The following CNTN6 variants were observed in gnomAD, a reference collection of about 807,000 sequenced individuals.
CNTN6 encodes the protein contactin 6, also known as contactin-6.
CNTN6 carries 137 observed loss-of-function variants against 122.8 expected under a neutral mutation model. The observed-to-expected ratio is 1.12, with a 90% CI of 0.97 to 1.29. CNTN6 has a LOEUF of 1.29. Ranked by LOEUF, CNTN6 falls within the 50% of genes most tolerant of loss-of-function variation. The probability of loss-of-function intolerance (pLI) is 0.00; values close to 1 mark genes in which losing one functional copy is unlikely to be tolerated. For synonymous variants in CNTN6, 570 were observed against 426.0 expected (o/e 1.34, Z -4.16); for missense variants, 1,634 against 1,223.4 (o/e 1.34, Z -5.01).
At chr3:1,246,536 G>C (rs917069185) in intron 4 of CNTN6, among the ~76,000 whole-genome samples, 18 of 152,008 alleles carry the variant, frequency 1.2e-4, no homozygotes, top group Non-Finnish European at 1.8e-4. Context: ...ATATTTCTCT[G>C]TTGTATATAC....
intron 2 of CNTN6, among the ~76,000 whole-genome samples, chr3:1,212,737 A>G (rs2094064027): frequency 6.6e-6 from 1 of 152,080 alleles, no homozygotes; most frequent in Non-Finnish European, 1.5e-5. Flanking sequence ...AGCTGTTCCT[A>G]TACAGAAAAC....
chr3:1,277,359 T>TTTTTTTTTTTTTTTTTTG (rs1692579688), intron 4 of CNTN6, among the ~76,000 whole-genome samples: 1 of 128,888 alleles, frequency 7.8e-6, no homozygotes, highest in African/African-American at 2.9e-5. Context: ...TTTTTTTTTT[T>TTTTTTTTTTTTTTTTTTG]TTTTTTTTTT....
At position 1,160,367 on chromosome 3, in the gene CNTN6, T is replaced by TATATATATATATATATATATATATAC. The variant is rs1491110079; in HGVS notation, c.55+12305_55+12306insTATATATATATATATATATATATACA. Among the ~76,000 whole-genome samples, 172 of 112,310 alleles carry TATATATATATATATATATATATATAC rather than the reference T, an allele frequency of 1.5e-3. 1 individual carries two copies. The highest frequency in any genetic ancestry group is 3.7e-3 in the African/African-American group (113 of 30,192). 73.7% of individuals were successfully genotyped at this position (112,310 alleles called of 152,430 possible). On this transcript the variant is annotated intron_variant, in intron 2 of 22. Coordinates refer to ENST00000446702, the MANE Select transcript of CNTN6 (RefSeq NM_001289080.2). Reference sequence around the variant, plus strand: ...CTGTATATATATATATATATATATATACACACTACCTATATGGTCATTTAG... The same window carrying TATATATATATATATATATATATATAC: ...CTGTATATATATATATATATATATATATATATATATATATATATATATATACACACACTACCTATATGGTCATTTAG...
chr3:1,295,006 A>G (rs1476971333), intron 5 of CNTN6, among the ~76,000 whole-genome samples: 3 of 152,116 alleles, frequency 2.0e-5, no homozygotes, highest in Non-Finnish European at 4.4e-5. Context: ...TAATCCTAGC[A>G]CTTTGGGAGG....
At chr3:1,138,921 C>G (rs2092548017) in intron 1 of CNTN6, among the ~76,000 whole-genome samples, 1 of 151,982 alleles carries the variant, frequency 6.6e-6, no homozygotes, top group Admixed American at 6.6e-5. Context: ...TTTCTGCTAT[C>G]TGATATACTC....
At chr3:1,218,846 G>A (rs2094165473) in intron 2 of CNTN6, among the ~76,000 whole-genome samples, 1 of 152,094 alleles carries the variant, frequency 6.6e-6, no homozygotes, top group South Asian at 2.1e-4. Flanking sequence ...AATAAAGGAA[G>A]CCAGGTTGTT....
At chr3:1,227,737 G>A in intron 3 of CNTN6, 81 bp from the exon 4 acceptor site, 2 of 1,403,792 alleles carry the variant, frequency 1.4e-6, no homozygotes, top group South Asian at 1.3e-5. Context: ...ATAGTTGCAG[G>A]AATTAGAACT....
At chr3:1,342,874 C>T (rs960427556) in intron 11 of CNTN6, among the ~76,000 whole-genome samples, 8 of 152,162 alleles carry the variant, frequency 5.3e-5, no homozygotes, top group Admixed American at 3.9e-4. Flanking sequence ...CGTTGGACAA[C>T]GGGGATTGAA....
chr3:1,277,183 C>A (rs1217764643), intron 4 of CNTN6, among the ~76,000 whole-genome samples: 1 of 152,026 alleles, frequency 6.6e-6, no homozygotes, highest in African/African-American at 2.4e-5. Context: ...CACTCAAGGA[C>A]ACTTACCACA....
chr3:1,339,819 C>G (rs978858612), intron 11 of CNTN6, among the ~76,000 whole-genome samples: 51 of 152,228 alleles, frequency 3.4e-4, no homozygotes, highest in African/African-American at 1.2e-3. Context: ...AGAATTGACT[C>G]TTTGACTACT....
At chr3:1,274,287 A>G in intron 4 of CNTN6, among the ~76,000 whole-genome samples, 1 of 152,198 alleles carries the variant, frequency 6.6e-6, no homozygotes, top group East Asian at 1.9e-4. Flanking sequence ...CAACAGCGCC[A>G]ACATATGTAG....
intron 3 of CNTN6, among the ~76,000 whole-genome samples, chr3:1,225,879 G>C (rs191575643): frequency 6.6e-6 from 1 of 152,028 alleles, no homozygotes; most frequent in Non-Finnish European, 1.5e-5. Context: ...AACAGAGTTG[G>C]TTCAAAACCT....
chr3:1,346,640 C>A (rs1241207198), intron 11 of CNTN6, among the ~76,000 whole-genome samples: 2 of 152,112 alleles, frequency 1.3e-5, no homozygotes, highest in African/African-American at 2.4e-5. Context: ...AGCCTTCCAG[C>A]CACCAGAATC....
intron 12 of CNTN6, among the ~76,000 whole-genome samples, chr3:1,358,088 G>C (rs1027919087): frequency 6.6e-6 from 1 of 151,612 alleles, no homozygotes; most frequent in Admixed American, 6.6e-5. Flanking sequence ...TCATTCAAAT[G>C]CTACCTTATA....
chr3:1,233,734 C>CAAAAAAAAAAAAA (rs1166507455), intron 4 of CNTN6, among the ~76,000 whole-genome samples: 10 of 52,152 alleles, frequency 1.9e-4, no homozygotes, highest in African/African-American at 8.6e-4. Context: ...GACTCTGTCT[C>CAAAAAAAAAAAAA]AAAAAAAAAA....
intron 4 of CNTN6, among the ~76,000 whole-genome samples, chr3:1,259,524 A>G (rs2094810992): frequency 1.3e-5 from 2 of 152,090 alleles, no homozygotes; most frequent in African/African-American, 4.8e-5. Flanking sequence ...TTTAATTTCT[A>G]TTTTGGGAAG....
intron 7 of CNTN6, among the ~76,000 whole-genome samples, chr3:1,304,987 C>A (rs1358796837): frequency 0.021 from 2,191 of 102,540 alleles, no homozygotes; most frequent in African/African-American, 0.05. Context: ...GAGACTCTGT[C>A]AAAAAAAAAA....
chr3:1,241,288 T>A (rs1032587150), intron 4 of CNTN6, among the ~76,000 whole-genome samples: 2 of 142,744 alleles, frequency 1.4e-5, no homozygotes, highest in Non-Finnish European at 3.1e-5. Flanking sequence ...AGTGTTGAAG[T>A]GTTGGGGTGG....
At chr3:1,201,042 T>A (rs561197042) in intron 2 of CNTN6, among the ~76,000 whole-genome samples, 1 of 148,634 alleles carries the variant, frequency 6.7e-6, no homozygotes, top group Admixed American at 6.7e-5. Flanking sequence ...TCCTCCCACC[T>A]CAGCCTCCTG....
Sources: gnomAD v4.1 joint callset for allele counts (sites outside exome capture counted in the v4.1 genomes callset) on GRCh38, gnomAD v4.1.1 for gene constraint, MANE v1.5 for transcripts, NCBI Gene and HGNC (gene_info 2026-07-23, HGNC 2026-07-21) for gene names.